CCDC92B: variants seen among roughly 807,000 people sequenced by gnomAD.
CCDC92B encodes coiled-coil domain containing 92B.
Under a neutral mutation model 5.6 loss-of-function variants are expected in CCDC92B, and 2 were observed. The ratio of observed to expected loss-of-function variants is 0.36; its 90% CI spans 0.15 to 1.12. The LOEUF is 1.12. Among genes scored for constraint, CCDC92B ranks in the 50% most tolerant of loss-of-function variants. The pLI is 0.40. For missense variants in CCDC92B, 271 were observed against 262.2 expected (o/e 1.03, Z -0.23); for synonymous variants, 115 against 122.3 (o/e 0.94, Z 0.39).
intron 2 of CCDC92B, 56 bp from the exon 3 acceptor site, chr17:2,730,549 G>A: frequency 3.7e-6 from 2 of 547,858 alleles, no homozygotes; most frequent in Non-Finnish European, 4.6e-6. Flanking sequence ...GTGTGTGTGT[G>A]TGTGTGTGTG....
chr17:2,728,476 G>C (rs1194031167), intron 3 of CCDC92B, among the ~76,000 whole-genome samples: 1 of 152,160 alleles, frequency 6.6e-6, no homozygotes, highest in South Asian at 2.1e-4. Context: ...CGTGGTGGCG[G>C]GCGCCTGTAG....
chr17:2,733,151 C>G (rs955033796), intron 2 of CCDC92B, among the ~76,000 whole-genome samples: 2 of 151,440 alleles, frequency 1.3e-5, no homozygotes, highest in African/African-American at 2.4e-5. Context: ...GCCTGCTCCA[C>G]ATTTTGGGAT....
intron 3 of CCDC92B, among the ~76,000 whole-genome samples, chr17:2,725,876 T>C (rs7212318): frequency 0.7 from 106,133 of 151,384 alleles, 39,676 homozygotes; most frequent in Non-Finnish European, 0.82. Flanking sequence ...ATGCTGCAGA[T>C]GGAGGGAACA....
At chr17:2,744,823 G>C (rs2070967104) in intron 1 of CCDC92B, among the ~76,000 whole-genome samples, 2 of 152,142 alleles carry the variant, frequency 1.3e-5, no homozygotes, top group Admixed American at 6.6e-5. Context: ...AACTTTGGGA[G>C]ACAGAGGTGA....
intron 1 of CCDC92B, among the ~76,000 whole-genome samples, chr17:2,745,066 C>CAAAAAAAAAAAAA (rs60179555): frequency 1.3e-5 from 1 of 79,340 alleles, no homozygotes; most frequent in African/African-American, 4.6e-5. Flanking sequence ...GACCCTGTCT[C>CAAAAAAAAAAAAA]AAAAAAAAAA....
intron 2 of CCDC92B, among the ~76,000 whole-genome samples, chr17:2,733,995 G>A (rs2070829964): frequency 6.6e-6 from 1 of 151,694 alleles, no homozygotes; most frequent in Non-Finnish European, 1.5e-5. Context: ...CCTGACCTCA[G>A]GTGATCCACC....
intron 3 of CCDC92B, among the ~76,000 whole-genome samples, 151 bp from the exon 4 acceptor site, chr17:2,725,151 T>G (rs1477563326): frequency 6.6e-6 from 1 of 152,030 alleles, no homozygotes; most frequent in African/African-American, 2.4e-5. Context: ...GATGGGCAGA[T>G]GGACTTGAGG....
At chr17:2,725,102 G>A in intron 3 of CCDC92B, 102 bp from the exon 4 acceptor site, 3 of 985,732 alleles carry the variant, frequency 3.0e-6, no homozygotes, top group Non-Finnish European at 3.6e-6. Context: ...GCCGGGCGCG[G>A]GGCCTCATTT....
intron 3 of CCDC92B, among the ~76,000 whole-genome samples, chr17:2,729,963 G>A (rs1044818583): frequency 5.3e-5 from 8 of 152,062 alleles, no homozygotes; most frequent in African/African-American, 1.9e-4. Context: ...CTTGACACTC[G>A]GCCTGTGATC....
chr17:2,748,150 C>A (rs745878782), intron 1 of CCDC92B: 8 of 533,574 alleles, frequency 1.5e-5, no homozygotes, highest in Non-Finnish European at 3.0e-5. Context: ...GCAGGCTGAT[C>A]TTCTTCTCTT....
In CCDC92B at chr17:2,743,100, C is replaced by T. The variant is rs1052801905; in HGVS notation, c.-24+6311G>A. ...CTGTCATCTCACTTCCATTCTTGCC[C>T]CTTGTTTTCCATGCAGGAGCCAGAA... is the stretch of plus-strand genomic sequence containing the variant. On this transcript the variant is annotated intron_variant, in intron 1 of 3. Coordinates refer to ENST00000614400, the MANE Select transcript of CCDC92B (RefSeq NM_001355573.2). 3.3e-5 allele frequency among the ~76,000 whole-genome samples: 5 copies of T among 152,292 alleles called. No individual in the cohort carries two copies. In the South Asian group the frequency reaches 1.0e-3, roughly 32 times the overall value.
intron 3 of CCDC92B, among the ~76,000 whole-genome samples, chr17:2,728,887 A>C (rs1347846308): frequency 6.6e-6 from 1 of 152,224 alleles, no homozygotes; most frequent in South Asian, 2.1e-4. Flanking sequence ...GAATACACAA[A>C]GCAGTTTCTA....
chr17:2,723,611 C>A lies in CCDC92B; in HGVS notation c.*800G>T. On this transcript the variant is annotated 3_prime_UTR_variant, in exon 4 of 4. Transcript: ENST00000614400. Reference sequence around the variant, plus strand: ...TGCCTCCTGAGAAGGAAGACAGCTCCTGCCTTCCAGAAGCCTGGCCAGCAG... The same window carrying A: ...TGCCTCCTGAGAAGGAAGACAGCTCATGCCTTCCAGAAGCCTGGCCAGCAG... The A allele has an allele frequency of 6.6e-6, 1 of 152,490 alleles. No homozygotes were observed. The highest frequency in any genetic ancestry group is 1.5e-5 in the Non-Finnish European group (1 of 68,142). The allele number at this position is 152,490 out of a possible 1,614,324, so 9.4% of individuals were successfully genotyped here. A position where few individuals can be genotyped will look rare whatever the true frequency, so the allele number is the denominator to read the frequency against.
chr17:2,737,563 C>T (rs530875874), intron 1 of CCDC92B, among the ~76,000 whole-genome samples: 2 of 149,002 alleles, frequency 1.3e-5, no homozygotes, highest in South Asian at 4.3e-4. Flanking sequence ...CAAGCTCCGC[C>T]TCCCAAGTTC....
intron 1 of CCDC92B, among the ~76,000 whole-genome samples, chr17:2,746,398 T>G (rs1027841899): frequency 1.3e-5 from 2 of 152,192 alleles, no homozygotes; most frequent in African/African-American, 4.8e-5. Context: ...TCCAAGTACT[T>G]TTAACATGTC....
chr17:2,724,970 C>T lies in CCDC92B; in HGVS notation c.209G>A (p.Cys70Tyr). The T allele has an allele frequency of 1.0e-6, 1 of 985,520 alleles. No homozygotes were observed. The highest frequency in any genetic ancestry group is 1.7e-5 in the African/African-American group (1 of 57,352). 61.0% of individuals were successfully genotyped at this position (985,520 alleles called of 1,614,324 possible). The change falls in exon 4 of 4, where the codon TGC (cysteine) becomes TAC (tyrosine). Residue 70 changes from cysteine to tyrosine, a missense_variant. By Grantham distance (194) the Cys-to-Tyr change is radical (BLOSUM62 -2). Coordinates refer to ENST00000614400, the MANE Select transcript of CCDC92B (RefSeq NM_001355573.2). The surrounding 1 kb of genome is among the most constrained non-coding windows in gnomAD (Gnocchi z 5.0). Reference protein sequence around the residue: ...EAASRELESKCRALESQLEAR... With the variant: ...EAASRELESKYRALESQLEAR... ...CTCCAGCTGCGACTCCAGCGCGCGG[C>T]ACTTGCTCTCCAGCTCCCGGGACGC...
At chr17:2,727,133 C>T (rs1450840869) in intron 3 of CCDC92B, among the ~76,000 whole-genome samples, 1 of 152,214 alleles carries the variant, frequency 6.6e-6, no homozygotes, top group African/African-American at 2.4e-5. Context: ...CCTCCTGCCT[C>T]AGCCTCATAA....
At chr17:2,734,173 C>G (rs2070832161) in intron 2 of CCDC92B, among the ~76,000 whole-genome samples, 1 of 152,128 alleles carries the variant, frequency 6.6e-6, no homozygotes, top group South Asian at 2.1e-4. Flanking sequence ...TTCCCTTCAT[C>G]TGGAATACTC....
At chr17:2,732,874 G>A (rs1301741935) in intron 2 of CCDC92B, among the ~76,000 whole-genome samples, 7 of 151,018 alleles carry the variant, frequency 4.6e-5, no homozygotes, top group Non-Finnish European at 8.9e-5. Context: ...TTAGCCGGGC[G>A]TGTTGGCAGG....
Sources: allele counts gnomAD v4.1 joint callset (sites outside exome capture counted in the v4.1 genomes callset), GRCh38; gene constraint gnomAD v4.1.1; non-coding constraint Gnocchi (gnomAD v3.1); transcripts MANE v1.5; gene names NCBI Gene and HGNC (gene_info 2026-07-23, HGNC 2026-07-21).